TLL1: variants seen among roughly 807,000 people sequenced by gnomAD.
The protein encoded by TLL1 is tolloid-like protein 1.
TLL1 carries 49 observed loss-of-function variants against 128.2 expected under a neutral mutation model. The ratio of observed to expected loss-of-function variants is 0.38; its 90% confidence interval spans 0.30 to 0.48. TLL1 has a LOEUF of 0.48. TLL1 is among the 20% of genes least tolerant of loss of function. TLL1 has a pLI of 0.96. For synonymous variants in TLL1, 454 were observed against 418.8 expected (o/e 1.08, Z -1.03); for missense variants, 1,123 against 1,242.0 (o/e 0.90, Z 1.44).
intron 1 of TLL1, among the ~76,000 whole-genome samples, chr4:165,913,418 G>A (rs534633999): frequency 1.3e-5 from 2 of 152,142 alleles, no homozygotes; most frequent in South Asian, 4.2e-4. Flanking sequence ...TTTGAAATAC[G>A]GTTTAATTAG....
chr4:166,024,582 G>A (rs1008811457), intron 8 of TLL1, among the ~76,000 whole-genome samples: 1 of 152,128 alleles, frequency 6.6e-6, no homozygotes, highest in Non-Finnish European at 1.5e-5. Context: ...CTGAGAACTA[G>A]CCCTGGGTGA....
At chr4:165,963,574 T>C (rs1052608219) in intron 1 of TLL1, among the ~76,000 whole-genome samples, 1 of 152,190 alleles carries the variant, frequency 6.6e-6, no homozygotes, top group African/African-American at 2.4e-5. Flanking sequence ...TAAGATTTTT[T>C]AATTGAGAAT....
chr4:165,958,089 T>G (rs1286019636), intron 1 of TLL1, among the ~76,000 whole-genome samples: 3 of 147,906 alleles, frequency 2.0e-5, no homozygotes, highest in South Asian at 2.2e-4. Context: ...ATGTGCCACA[T>G]TTTCTTAATC....
chr4:166,076,049 G>A lies in TLL1; in HGVS notation c.2314+1046G>A, dbSNP rs562996359. Among the ~76,000 whole-genome samples, 4 of 152,172 alleles carry A rather than the reference G, an allele frequency of 2.6e-5. No individual in the cohort carries two copies. In the East Asian group the frequency reaches 5.8e-4, roughly 22 times the overall value. On this transcript the variant is annotated intron_variant, in intron 17 of 20. Transcript: ENST00000061240. Reference sequence around the variant, plus strand: ...ATCAATAGATTAGGAAATAGGCCCAGGTTTTTGTGGGTTTTGGGGTTTTCA... The same window carrying A: ...ATCAATAGATTAGGAAATAGGCCCAAGTTTTTGTGGGTTTTGGGGTTTTCA...
intron 1 of TLL1, among the ~76,000 whole-genome samples, chr4:165,934,794 A>G (rs968799637): frequency 6.6e-6 from 1 of 152,210 alleles, no homozygotes; most frequent in Non-Finnish European, 1.5e-5. Flanking sequence ...TGTTTGTCAC[A>G]ATGGCCGTAG....
chr4:166,023,014 A>G (rs1259854475), intron 8 of TLL1, among the ~76,000 whole-genome samples: 1 of 152,252 alleles, frequency 6.6e-6, no homozygotes, highest in South Asian at 2.1e-4. Context: ...AGTTTATATT[A>G]TCATGATAGC....
chr4:165,899,040 T>C (rs1731825385), intron 1 of TLL1, among the ~76,000 whole-genome samples: 1 of 152,230 alleles, frequency 6.6e-6, no homozygotes, highest in Non-Finnish European at 1.5e-5. Context: ...TATTCTCTGA[T>C]GGTAGTTTGT....
At chr4:165,920,079 C>G in intron 1 of TLL1, 1 of 213,828 alleles carries the variant, frequency 4.7e-6, no homozygotes, top group South Asian at 5.5e-5. Flanking sequence ...TAAAATAAAA[C>G]TTTAGAAGTG....
At chr4:165,941,667 G>A (rs72972222) in intron 1 of TLL1, among the ~76,000 whole-genome samples, 5,447 of 152,104 alleles carry the variant, frequency 0.036, 292 homozygotes, top group African/African-American at 0.12. Context: ...CATTTGAAAA[G>A]AAACTTAAAA....
chr4:165,940,714 G>T (rs1350204058), intron 1 of TLL1, among the ~76,000 whole-genome samples: 12 of 151,976 alleles, frequency 7.9e-5, no homozygotes, highest in Admixed American at 7.9e-4. Flanking sequence ...TCCTTCCTAT[G>T]TTATTGTTAG....
Position 165,960,301 on chromosome 4 carries a change from T to C in TLL1, c.170-29080T>C, listed in dbSNP as rs78090056. Among the ~76,000 whole-genome samples, 789 of 152,070 alleles carry C rather than the reference T, an allele frequency of 5.2e-3. 11 individuals are homozygous for C. Among genetic ancestry groups the C allele is most frequent in the African/African-American group, 0.018 (734 of 41,496 alleles). ...CCCTGAACAGACCAATAATGAATTG[T>C]GAAACTGAATCAATAGCAAAAAAAC... On this transcript the variant is annotated intron_variant, in intron 1 of 20. Transcript: ENST00000061240.
At chr4:165,987,922 C>T (rs1042520800) in intron 1 of TLL1, among the ~76,000 whole-genome samples, 9 of 151,978 alleles carry the variant, frequency 5.9e-5, no homozygotes, top group South Asian at 2.1e-4. Flanking sequence ...TCACTTTCTA[C>T]GATTTTAATG....
intron 8 of TLL1, among the ~76,000 whole-genome samples, chr4:166,016,078 C>T (rs1579627055): frequency 1.3e-5 from 2 of 151,860 alleles, no homozygotes; most frequent in East Asian, 3.9e-4. Flanking sequence ...ACTTAATATT[C>T]ATTAATTTAT....
chr4:165,964,649 G>A (rs1484970504), intron 1 of TLL1, among the ~76,000 whole-genome samples: 1 of 152,204 alleles, frequency 6.6e-6, no homozygotes, highest in East Asian at 1.9e-4. Context: ...AAGGCTAGGT[G>A]TGACAACTCA....
intron 1 of TLL1, among the ~76,000 whole-genome samples, chr4:165,888,837 G>A (rs77738600): frequency 0.02 from 3,053 of 152,206 alleles, 38 homozygotes; most frequent in Non-Finnish European, 0.032. Flanking sequence ...CCTGATTTTG[G>A]AGGGATTATT....
rs531964369 is a variant in TLL1, at chr4:166,041,923, G to A, written c.1262-104G>A. The A allele has an allele frequency of 1.6e-4, 129 of 794,964 alleles. No individual in the cohort carries two copies. In the South Asian group the frequency reaches 1.7e-3, roughly 11 times the overall value. 49.2% of individuals were successfully genotyped at this position (794,964 alleles called of 1,614,324 possible). On this transcript the variant is annotated intron_variant, in intron 10 of 20. Coordinates refer to ENST00000061240, the MANE Select transcript of TLL1 (RefSeq NM_012464.5). The stretch of plus-strand genomic sequence containing the variant: ...GGCTGCAATCACTTGGAATAGAAAT[G>A]TGAACCAAATCGGTGTTTACATATT...
At chr4:166,056,828 T>C (rs1740031122) in intron 13 of TLL1, among the ~76,000 whole-genome samples, 1 of 152,146 alleles carries the variant, frequency 6.6e-6, no homozygotes, top group South Asian at 2.1e-4. Flanking sequence ...TTGACAATGC[T>C]CAGTTAGCAG....
rs147986950 is a variant in TLL1, at chr4:165,954,801, C to T, written c.170-34580C>T. Among the ~76,000 whole-genome samples, 323 of 152,144 alleles carry T rather than the reference C, an allele frequency of 2.1e-3. 3 individuals are homozygous for T. Among genetic ancestry groups the T allele is most frequent in the African/African-American group, 6.5e-3 (270 of 41,530 alleles). On this transcript the variant is annotated intron_variant, in intron 1 of 20. Transcript: ENST00000061240. ...ATAAGGAATATAGAAACAAAAAACC[C>T]CATCCAATTGACAGCAACTTCACAA...
At chr4:165,993,030 C>G (rs971868974) in intron 3 of TLL1, 146 bp downstream of exon 3, 44 of 674,468 alleles carry the variant, frequency 6.5e-5, no homozygotes, top group Admixed American at 2.5e-4. Flanking sequence ...TTTGCTAGCT[C>G]ATATCTGATC....
Sources: allele counts gnomAD v4.1 joint callset (sites outside exome capture counted in the v4.1 genomes callset), GRCh38; gene constraint gnomAD v4.1.1; transcripts MANE v1.5; gene names NCBI Gene and HGNC (gene_info 2026-07-23, HGNC 2026-07-21).